Variants in FBN2 observed in about 807,000 individuals in gnomAD.
The protein encoded by FBN2 is fibrillin-2.
FBN2 carries 105 observed loss-of-function variants against 355.6 expected under a neutral mutation model. The ratio of observed to expected loss-of-function variants is 0.30; its 90% CI spans 0.25 to 0.35. The LOEUF is 0.35. Among genes scored for constraint, FBN2 ranks in the 10% least tolerant of loss-of-function variants. The pLI is 1.00. For synonymous variants in FBN2, 1,350 were observed against 1,301.2 expected (o/e 1.04, Z -0.81); for missense variants, 3,280 against 3,758.7 (o/e 0.87, Z 3.33).
intron 7 of FBN2, among the ~76,000 whole-genome samples, chr5:128,418,461 T>C (rs1753261954): frequency 6.6e-6 from 1 of 152,164 alleles, no homozygotes; most frequent in African/African-American, 2.4e-5. Context: ...TCTTTGTACT[T>C]TTTCTGACCC....
At chr5:128,461,924 T>A (rs1754569552) in intron 6 of FBN2, among the ~76,000 whole-genome samples, 1 of 152,110 alleles carries the variant, frequency 6.6e-6, no homozygotes. Context: ...TATACTCCTG[T>A]AACAAACCTA....
At chr5:128,484,738 A>G (rs1365584516) in intron 5 of FBN2, among the ~76,000 whole-genome samples, 1 of 152,204 alleles carries the variant, frequency 6.6e-6, no homozygotes, top group Non-Finnish European at 1.5e-5. Flanking sequence ...ACAGTGGAGG[A>G]AAGTGAGACA....
chr5:128,445,480 T>A (rs1341452329), intron 7 of FBN2, among the ~76,000 whole-genome samples: 1 of 152,206 alleles, frequency 6.6e-6, no homozygotes, highest in Non-Finnish European at 1.5e-5. Flanking sequence ...TTATCTTCTA[T>A]AATTAAACTT....
intron 15 of FBN2, among the ~76,000 whole-genome samples, chr5:128,369,657 T>C (rs752343615): frequency 3.8e-4 from 58 of 152,328 alleles, no homozygotes; most frequent in African/African-American, 1.1e-3. Flanking sequence ...TACTTGGAGC[T>C]CTAATCACTG....
rs758049803 is a variant in FBN2, at chr5:128,437,819, T to TAGATAGAC, written c.952+8661_952+8662insGTCTATCT. Among the ~76,000 whole-genome samples, 288 of 108,066 alleles carry TAGATAGAC rather than the reference T, an allele frequency of 2.7e-3. 3 individuals carry two copies. The highest frequency in any genetic ancestry group is 0.02 in the East Asian group (79 of 3,946). The allele number at this position is 108,066 out of a possible 152,430, so 70.9% of individuals were successfully genotyped here. ...ATAGATAGATAGATAGATAGATAGATAGACAGACAGACAGACAGAAAGACA... is the reference window on the plus strand; with the variant it reads ...ATAGATAGATAGATAGATAGATAGATAGATAGACAGACAGACAGACAGACAGAAAGACA... On this transcript the variant is annotated intron_variant, in intron 7 of 64. Coordinates refer to ENST00000262464, the MANE Select transcript of FBN2 (RefSeq NM_001999.4).
intron 5 of FBN2, among the ~76,000 whole-genome samples, chr5:128,468,131 T>C (rs1754763538): frequency 6.6e-6 from 1 of 152,200 alleles, no homozygotes; most frequent in African/African-American, 2.4e-5. Flanking sequence ...CAACCACTAA[T>C]CTAGTTTCTG....
intron 43 of FBN2, 39 bp from the exon 44 acceptor site, chr5:128,305,675 A>C (rs1269526324): frequency 6.2e-7 from 1 of 1,611,014 alleles, no homozygotes; most frequent in Non-Finnish European, 8.5e-7. Flanking sequence ...AGTCCTTTTT[A>C]GTATTGTATT....
intron 6 of FBN2, among the ~76,000 whole-genome samples, chr5:128,459,858 T>C (rs1321057772): frequency 1.3e-5 from 2 of 152,282 alleles, no homozygotes; most frequent in Middle Eastern, 3.4e-3. Context: ...GGCAATATCA[T>C]AGTGAATGGG....
At chr5:128,290,969 C>T (rs1205911510) in intron 49 of FBN2, 85 bp from the exon 50 acceptor site, 1 of 1,277,010 alleles carries the variant, frequency 7.8e-7, no homozygotes, top group Non-Finnish European at 1.1e-6. Context: ...ACACGGGATG[C>T]AGACTAGATC....
At chr5:128,267,924 A>T (rs1363642433) in intron 62 of FBN2, among the ~76,000 whole-genome samples, 1 of 152,206 alleles carries the variant, frequency 6.6e-6, no homozygotes, top group Non-Finnish European at 1.5e-5. Flanking sequence ...CCATGTCAGA[A>T]AGCTAGAAAG....
chr5:128,523,311 T>A (rs926172326), intron 4 of FBN2, among the ~76,000 whole-genome samples: 1 of 152,132 alleles, frequency 6.6e-6, no homozygotes, highest in Admixed American at 6.5e-5. Flanking sequence ...GCCTTCTTCC[T>A]TCGTTTTCTA....
intron 7 of FBN2, among the ~76,000 whole-genome samples, chr5:128,438,190 C>A (rs903822058): frequency 1.3e-5 from 2 of 152,210 alleles, no homozygotes; most frequent in Admixed American, 6.5e-5. Flanking sequence ...CAGGGTTTCA[C>A]CATGTTGGCC....
At chr5:128,517,999 G>A (rs17164089) in intron 5 of FBN2, among the ~76,000 whole-genome samples, 52,602 of 151,966 alleles carry the variant, frequency 0.35, 9,758 homozygotes, top group African/African-American at 0.49. Context: ...CACATTTTAC[G>A]AAGTTTAACT....
chr5:128,263,726 G>T (rs1199254275), intron 62 of FBN2, 70 bp from the exon 63 acceptor site: 3 of 1,016,724 alleles, frequency 3.0e-6, no homozygotes, highest in Non-Finnish European at 4.5e-6. Flanking sequence ...CAAGTCTGGA[G>T]TCTCAAGTGC....
chr5:128,397,837 C>G (rs1046010318), intron 8 of FBN2, among the ~76,000 whole-genome samples: 1 of 151,956 alleles, frequency 6.6e-6, no homozygotes, highest in African/African-American at 2.4e-5. Context: ...TTCACAGTGC[C>G]CGGGGCATAA....
intron 7 of FBN2, among the ~76,000 whole-genome samples, chr5:128,430,032 T>G (rs1196331281): frequency 2.0e-5 from 3 of 152,152 alleles, no homozygotes; most frequent in Non-Finnish European, 4.4e-5. Flanking sequence ...TTTAAAGCAC[T>G]TTTTTTATTC....
intron 5 of FBN2, among the ~76,000 whole-genome samples, chr5:128,490,256 C>A (rs552266893): frequency 6.6e-6 from 1 of 152,222 alleles, no homozygotes; most frequent in East Asian, 1.9e-4. Context: ...GAAAAACTAT[C>A]CAATTTCATA....
At chr5:128,290,071 C>A in intron 50 of FBN2, 124 bp from the exon 51 acceptor site, 1 of 695,368 alleles carries the variant, frequency 1.4e-6, no homozygotes, top group Non-Finnish European at 2.6e-6. Context: ...CTGTCTATAA[C>A]AAGACTCTTT....
chr5:128,309,386 G>A lies in FBN2; in HGVS notation c.5214C>T (p.Ser1738=). The A allele has an allele frequency of 6.2e-7, 1 of 1,613,810 alleles. No individual in the cohort carries two copies. Among genetic ancestry groups the A allele is most frequent in the Admixed American group, 1.7e-5 (1 of 59,982 alleles). Residue 1738 remains serine (S), a synonymous_variant, in exon 41 of 65, where the codon AGC becomes AGT. Coordinates refer to ENST00000262464, the MANE Select transcript of FBN2 (RefSeq NM_001999.4). ...TTCCATTATAGCTTCGGTAGCAAAAGCTTTTTCTCATGTCTATATAAAGAA... is the reference window on the plus strand; with the variant it reads ...TTCCATTATAGCTTCGGTAGCAAAAACTTTTTCTCATGTCTATATAAAGAA... ...GGHNCMDMRK[S]FCYRSYNGTT...
Sources: gnomAD v4.1 joint callset for allele counts (sites outside exome capture counted in the v4.1 genomes callset) on GRCh38, gnomAD v4.1.1 for gene constraint, MANE v1.5 for transcripts, NCBI Gene and HGNC (gene_info 2026-07-23, HGNC 2026-07-21) for gene names.